CEPT1: variants seen among roughly 807,000 people sequenced by gnomAD.
The protein encoded by CEPT1 is choline/ethanolamine phosphotransferase 1.
A neutral mutation model predicts 42.6 loss-of-function variants in CEPT1; 7 were observed. The ratio of observed to expected loss-of-function variants is 0.16; its 90% CI spans 0.09 to 0.31. CEPT1 has a LOEUF of 0.31. CEPT1 is among the 10% of genes least tolerant of loss of function. The probability of loss-of-function intolerance (pLI) is 1.00; values close to 1 mark genes in which losing one functional copy is unlikely to be tolerated. For synonymous variants in CEPT1, 171 were observed against 171.9 expected, an observed-to-expected ratio of 0.99 and a Z score of 0.04; for missense variants, 306 against 502.1, an observed-to-expected ratio of 0.61 and a Z score of 3.73.
chr1:111,159,773 T>C, intron 3 of CEPT1: 1 of 318,338 alleles, frequency 3.1e-6, no homozygotes, highest in Admixed American at 5.2e-5. Flanking sequence ...TTTTAAAAGC[T>C]TGGGGCATAA....
chr1:111,179,480 CAGAA>C (rs1338174414), intron 5 of CEPT1: 4 of 152,100 alleles, frequency 2.6e-5, no homozygotes, highest in African/African-American at 4.8e-5. Flanking sequence ...AAGATGATGA[CAGAA>C]AGAAAAAGAT....
chr1:111,164,942 C>A (rs1337007751), intron 4 of CEPT1, among the ~76,000 whole-genome samples: 1 of 149,468 alleles, frequency 6.7e-6, no homozygotes, highest in African/African-American at 2.5e-5. Context: ...ATTTTTAATT[C>A]TATAACTTGT....
intron 2 of CEPT1, among the ~76,000 whole-genome samples, chr1:111,153,494 T>A (rs1461653707): frequency 6.6e-6 from 1 of 152,194 alleles, no homozygotes; most frequent in Admixed American, 6.5e-5. Flanking sequence ...GTCTCTACTT[T>A]AGTTTTTCTT....
At chr1:111,167,658 TCTG>T (rs1367040451) in intron 4 of CEPT1, 1 of 976,404 alleles carries the variant, frequency 1.0e-6, no homozygotes, top group African/African-American at 1.8e-5. Flanking sequence ...TAGTACTAGT[TCTG>T]CTTGAGTTTA....
intron 1 of CEPT1, among the ~76,000 whole-genome samples, chr1:111,144,619 AG>A (rs1192583125): frequency 1.3e-5 from 2 of 152,268 alleles, no homozygotes; most frequent in Non-Finnish European, 2.9e-5. Flanking sequence ...TAAAACCATT[AG>A]GATCAGTTGC....
At chr1:111,144,259 G>A (rs1308128501) in intron 1 of CEPT1, among the ~76,000 whole-genome samples, 1 of 152,208 alleles carries the variant, frequency 6.6e-6, no homozygotes, top group Non-Finnish European at 1.5e-5. Flanking sequence ...GAAGAGTAGA[G>A]ATGAACCTGT....
chr1:111,140,859 A>T (rs1443696762), intron 1 of CEPT1, among the ~76,000 whole-genome samples: 1 of 152,202 alleles, frequency 6.6e-6, no homozygotes, highest in Non-Finnish European at 1.5e-5. Flanking sequence ...AAGCTGTGAG[A>T]TTGCTAGCTG....
At chr1:111,149,128 A>G (rs919609784) in intron 2 of CEPT1, among the ~76,000 whole-genome samples, 1 of 151,952 alleles carries the variant, frequency 6.6e-6, no homozygotes, top group Non-Finnish European at 1.5e-5. Flanking sequence ...GTGAATGGCT[A>G]TTGAGGGTCA....
chr1:111,163,275 A>T (rs942490479), intron 4 of CEPT1, among the ~76,000 whole-genome samples: 4 of 152,196 alleles, frequency 2.6e-5, no homozygotes, highest in Non-Finnish European at 5.9e-5. Flanking sequence ...GAAATTCTAC[A>T]TTTGCATTAA....
Position 111,182,935 on chromosome 1 carries a change from C to T in CEPT1, c.983C>T (p.Ala328Val). The T allele has an allele frequency of 2.5e-6, 4 of 1,612,840 alleles. No homozygotes were observed. Among genetic ancestry groups the T allele is most frequent in the Non-Finnish European group, 3.4e-6 (4 of 1,179,432 alleles). Residue 328 changes from alanine to valine, a missense_variant, in exon 7 of 9, where the codon GCT becomes GTT. By Grantham distance (64) the Ala-to-Val change is moderately conservative. This residue lies in a region of CEPT1 where 253 missense variants were observed against 447.3 expected (regional missense o/e 0.57). Transcript: ENST00000357172. The stretch of plus-strand genomic sequence containing the variant: ...ATACTGACATTTGGTTTTGTGTCTG[C>T]TAAAATCACTAATAAGCTTGTGGTA... Reference protein sequence around the residue: ...LYILTFGFVSAKITNKLVVAH... With the variant: ...LYILTFGFVSVKITNKLVVAH...
intron 4 of CEPT1, among the ~76,000 whole-genome samples, chr1:111,172,630 T>G (rs1314958934): frequency 6.6e-6 from 1 of 152,190 alleles, no homozygotes; most frequent in African/African-American, 2.4e-5. Context: ...CTACCACCTG[T>G]CCCTCTTAGC....
chr1:111,148,900 A>G (rs968730793), intron 2 of CEPT1, among the ~76,000 whole-genome samples: 2 of 152,258 alleles, frequency 1.3e-5, no homozygotes, highest in African/African-American at 2.4e-5. Context: ...AGGACAGTAG[A>G]AGGTAATTCT....
chr1:111,164,232 A>G (rs1018459195), intron 4 of CEPT1, among the ~76,000 whole-genome samples: 3 of 152,258 alleles, frequency 2.0e-5, no homozygotes, highest in Non-Finnish European at 4.4e-5. Context: ...CTTTGGATAC[A>G]TCTTCCCTGA....
intron 5 of CEPT1, among the ~76,000 whole-genome samples, chr1:111,177,922 G>A (rs779849289): frequency 2.6e-5 from 4 of 152,138 alleles, no homozygotes; most frequent in Non-Finnish European, 4.4e-5. Context: ...GGAACAACCC[G>A]ACTTCTCTGG....
chr1:111,161,033 A>G (rs1465899250), intron 3 of CEPT1, 122 bp from the exon 4 acceptor site: 31 of 963,460 alleles, frequency 3.2e-5, no homozygotes, highest in South Asian at 3.0e-4. Flanking sequence ...TTCTGTTACA[A>G]TAGATAACTG....
chr1:111,160,968 AAAG>A, intron 3 of CEPT1, 184 bp from the exon 4 acceptor site: 3 of 627,698 alleles, frequency 4.8e-6, no homozygotes, highest in Non-Finnish European at 5.3e-6. Context: ...AAAAAAAAAA[AAAG>A]AGAGATTGAA....
At chr1:111,168,669 T>C (rs1656262601) in intron 4 of CEPT1, among the ~76,000 whole-genome samples, 1 of 152,118 alleles carries the variant, frequency 6.6e-6, no homozygotes, top group African/African-American at 2.4e-5. Context: ...TTTGTATTTT[T>C]AGTAGAGACG....
chr1:111,143,616 A>C lies in CEPT1; in HGVS notation c.-74+3309A>C, dbSNP rs1233048620. 3.3e-5 allele frequency: 5 copies of C among 151,676 alleles called. No homozygotes were observed. In the East Asian group the frequency reaches 9.7e-4, roughly 29 times the overall value. 9.4% of individuals were successfully genotyped at this position (151,676 alleles called of 1,614,324 possible). ...AAGCCAGCAATAATTTTAATTTCTT[A>C]CTTTTTTTTTTCTTTTTGTTACTTG... On this transcript the variant is annotated intron_variant, in intron 1 of 8. Transcript: ENST00000357172.
At chr1:111,158,358 A>C (rs1655682859) in intron 2 of CEPT1, among the ~76,000 whole-genome samples, 1 of 97,550 alleles carries the variant, frequency 1.0e-5, no homozygotes, top group African/African-American at 4.0e-5. Context: ...CATCTCAAAT[A>C]AATAAATAAA....
Sources: gnomAD v4.1 joint callset for allele counts (sites outside exome capture counted in the v4.1 genomes callset) on GRCh38, gnomAD v4.1.1 for gene constraint, gnomAD v4.1.1 regional missense constraint, MANE v1.5 for transcripts, NCBI Gene and HGNC (gene_info 2026-07-23, HGNC 2026-07-21) for gene names.